The following APBB2 variants were observed in gnomAD, a reference collection of about 807,000 sequenced individuals.
APBB2 encodes amyloid beta precursor protein binding family B member 2, also known as Fe65-like 1.
Under a neutral mutation model 82.5 loss-of-function variants are expected in APBB2, and 38 were observed. The ratio of observed to expected loss-of-function variants is 0.46; its 90% CI spans 0.36 to 0.60. The LOEUF (loss-of-function observed/expected upper bound fraction) is 0.60. Ranked by LOEUF, APBB2 falls within the 20% of genes least tolerant of loss-of-function variation. The probability of loss-of-function intolerance (pLI) is 0.00; values close to 1 mark genes in which losing one functional copy is unlikely to be tolerated. For synonymous variants in APBB2, 341 were observed against 368.2 expected, an observed-to-expected ratio of 0.93 and a Z score of 0.85; for missense variants, 772 against 972.3, an observed-to-expected ratio of 0.79 and a Z score of 2.74.
At chr4:41,122,624 A>G (rs987493414) in intron 2 of APBB2, among the ~76,000 whole-genome samples, 12 of 152,128 alleles carry the variant, frequency 7.9e-5, no homozygotes, top group Non-Finnish European at 1.6e-4. Flanking sequence ...TACTTTTATA[A>G]CACTCTTAAA....
intron 10 of APBB2, among the ~76,000 whole-genome samples, chr4:40,894,004 G>A (rs1772898240): frequency 6.7e-6 from 1 of 150,102 alleles, no homozygotes; most frequent in African/African-American, 2.5e-5. Context: ...AATAGATTAT[G>A]AGGGCCGGGC....
intron 17 of APBB2, among the ~76,000 whole-genome samples, chr4:40,820,094 A>G (rs1747297121): frequency 6.6e-6 from 1 of 152,236 alleles, no homozygotes; most frequent in African/African-American, 2.4e-5. Context: ...TATCTCAGTC[A>G]TGCTGAATGC....
At chr4:41,193,515 G>A (rs1166928649) in intron 1 of APBB2, 4 of 975,642 alleles carry the variant, frequency 4.1e-6, no homozygotes, top group Admixed American at 6.2e-5. Context: ...CTAGACCATG[G>A]TACTCCCACA....
intron 5 of APBB2, among the ~76,000 whole-genome samples, chr4:41,032,027 T>C (rs1579397990): frequency 1.3e-5 from 2 of 152,332 alleles, no homozygotes; most frequent in South Asian, 4.1e-4. Flanking sequence ...TTGGCTGTTT[T>C]TTATAAAAGA....
intron 6 of APBB2, among the ~76,000 whole-genome samples, chr4:40,955,470 A>T (rs537075020): frequency 6.6e-6 from 1 of 152,364 alleles, no homozygotes; most frequent in African/African-American, 2.4e-5. Flanking sequence ...AGATCAGAGG[A>T]ATAATCTGCA....
intron 12 of APBB2, among the ~76,000 whole-genome samples, chr4:40,858,130 C>T (rs747465502): frequency 2.0e-5 from 3 of 152,070 alleles, no homozygotes; most frequent in Non-Finnish European, 2.9e-5. Context: ...CCCCCATATA[C>T]ATGGAAGCAG....
At chr4:41,184,098 G>A (rs1772198885) in intron 1 of APBB2, among the ~76,000 whole-genome samples, 1 of 151,916 alleles carries the variant, frequency 6.6e-6, no homozygotes, top group South Asian at 2.1e-4. Context: ...TTCACAATAG[G>A]ATTCGTGCTC....
At position 40,811,914 on chromosome 4, in the gene APBB2, G is replaced by C. The variant is rs1330180871; in HGVS notation, c.*4178C>G. ...ATTTCTCTAGTTACCTTTCATTTTG[G>C]ATTTAGTGTGTGTACACCTCTATTC... On this transcript the variant is annotated 3_prime_UTR_variant, in exon 18 of 18. Transcript: ENST00000508593. The C allele has an allele frequency of 6.6e-6, 1 of 152,106 alleles. No individual in the cohort carries two copies. The highest frequency in any genetic ancestry group is 1.9e-4 in the East Asian group (1 of 5,192). 9.4% of individuals were successfully genotyped at this position (152,106 alleles called of 1,614,324 possible).
chr4:41,031,715 G>A (rs1716901878), intron 5 of APBB2, among the ~76,000 whole-genome samples: 1 of 152,098 alleles, frequency 6.6e-6, no homozygotes, highest in Non-Finnish European at 1.5e-5. Context: ...TTTCATACTA[G>A]AGTACCTTGA....
chr4:40,867,045 C>G (rs1391715296), intron 12 of APBB2, among the ~76,000 whole-genome samples: 1 of 152,200 alleles, frequency 6.6e-6, no homozygotes, highest in East Asian at 1.9e-4. Flanking sequence ...CATGAGCCAC[C>G]ATGCACGGCC....
chr4:40,887,789 T>G (rs1264658855), intron 12 of APBB2, among the ~76,000 whole-genome samples: 3 of 152,206 alleles, frequency 2.0e-5, no homozygotes, highest in Non-Finnish European at 4.4e-5. Context: ...TCCTGCTAGC[T>G]ATGTGGAACC....
chr4:41,051,671 G>A (rs571744220), intron 4 of APBB2, among the ~76,000 whole-genome samples: 6 of 152,218 alleles, frequency 3.9e-5, no homozygotes, highest in South Asian at 2.1e-4. Context: ...TAACCGTCCC[G>A]AAGGCCTACA....
intron 12 of APBB2, among the ~76,000 whole-genome samples, chr4:40,854,863 T>G (rs1254316801): frequency 1.3e-5 from 2 of 150,760 alleles, no homozygotes; most frequent in African/African-American, 4.9e-5. Context: ...AGGAAAGCTG[T>G]ATAGGTGAGA....
intron 1 of APBB2, among the ~76,000 whole-genome samples, chr4:41,204,570 G>C (rs763066364): frequency 6.6e-6 from 1 of 152,182 alleles, no homozygotes. Context: ...ATAAGTGCTC[G>C]TCTGGGAAGC....
intron 1 of APBB2, among the ~76,000 whole-genome samples, chr4:41,160,922 TGAC>T (rs1318088345): frequency 2.6e-5 from 4 of 152,174 alleles, no homozygotes; most frequent in African/African-American, 9.7e-5. Context: ...TTAATCCTTA[TGAC>T]GACCCTCTAA....
At chr4:40,836,718 T>C (rs1754082113) in intron 12 of APBB2, among the ~76,000 whole-genome samples, 1 of 152,096 alleles carries the variant, frequency 6.6e-6, no homozygotes, top group Non-Finnish European at 1.5e-5. Context: ...GGCCAGGTGG[T>C]CTCAGCCACA....
intron 2 of APBB2, among the ~76,000 whole-genome samples, chr4:41,116,106 C>T (rs1401453707): frequency 6.6e-6 from 1 of 152,176 alleles, no homozygotes; most frequent in South Asian, 2.1e-4. Flanking sequence ...AAATGTGGCA[C>T]ATATACACCA....
intron 4 of APBB2, among the ~76,000 whole-genome samples, chr4:41,061,434 G>C (rs1228902637): frequency 6.6e-6 from 1 of 152,220 alleles, no homozygotes; most frequent in Non-Finnish European, 1.5e-5. Context: ...CTAGATGGCA[G>C]AGCCTAGTGT....
At chr4:40,967,206 C>G (rs938626465) in intron 6 of APBB2, among the ~76,000 whole-genome samples, 18 of 152,136 alleles carry the variant, frequency 1.2e-4, no homozygotes, top group African/African-American at 4.3e-4. Context: ...CTGAGCTGTT[C>G]TGTCACTCAA....
Sources: gnomAD v4.1 joint callset for allele counts (sites outside exome capture counted in the v4.1 genomes callset) on GRCh38, gnomAD v4.1.1 for gene constraint, MANE v1.5 for transcripts, NCBI Gene and HGNC (gene_info 2026-07-23, HGNC 2026-07-21) for gene names.